Variants in RAB3C observed in about 807,000 individuals in gnomAD.
RAB3C encodes the protein RAB3C, member RAS oncogene family.
In RAB3C, 17 loss-of-function variants were observed where a neutral mutation model predicts 26.4. That is an observed-to-expected ratio of 0.64 (90% CI 0.44 to 0.97). The LOEUF is 0.97. Ranked by LOEUF, RAB3C falls within the 50% of genes least tolerant of loss-of-function variation. The pLI is 0.00. For synonymous variants in RAB3C, 91 were observed against 95.9 expected (o/e 0.95, Z 0.30); for missense variants, 242 against 281.9 (o/e 0.86, Z 1.01).
intron 3 of RAB3C, among the ~76,000 whole-genome samples, chr5:58,729,737 TTTTATA>T (rs1740967872): frequency 1.4e-5 from 2 of 146,176 alleles, no homozygotes; most frequent in South Asian, 2.1e-4. Context: ...AAATATTGTA[TTTTATA>T]TTTATATTTA....
At chr5:58,661,920 TA>T (rs1747913737) in intron 2 of RAB3C, among the ~76,000 whole-genome samples, 1 of 149,892 alleles carries the variant, frequency 6.7e-6, no homozygotes, top group Admixed American at 6.6e-5. Context: ...TAATCATTTT[TA>T]GTGTGAGCAG....
At chr5:58,649,552 C>A (rs562296914) in intron 2 of RAB3C, among the ~76,000 whole-genome samples, 1 of 152,088 alleles carries the variant, frequency 6.6e-6, no homozygotes, top group South Asian at 2.1e-4. Flanking sequence ...TTTCCCCTCC[C>A]AGGTCTCTTA....
intron 4 of RAB3C, among the ~76,000 whole-genome samples, chr5:58,849,896 C>G (rs1744078570): frequency 6.6e-6 from 1 of 152,118 alleles, no homozygotes; most frequent in Non-Finnish European, 1.5e-5. Flanking sequence ...GTTCTTTTTC[C>G]TTTGGCCCCA....
chr5:58,664,539 G>T (rs1034439215), intron 2 of RAB3C, among the ~76,000 whole-genome samples: 5 of 152,060 alleles, frequency 3.3e-5, no homozygotes, highest in African/African-American at 1.2e-4. Context: ...TGAGGGTGAT[G>T]GGAATGCTCT....
intron 2 of RAB3C, among the ~76,000 whole-genome samples, chr5:58,704,255 C>T (rs1465723940): frequency 6.6e-6 from 1 of 152,156 alleles, no homozygotes; most frequent in Non-Finnish European, 1.5e-5. Flanking sequence ...TGAAGAGAAA[C>T]ATTCCTGGCT....
At chr5:58,607,759 C>A (rs1746604665) in intron 1 of RAB3C, among the ~76,000 whole-genome samples, 1 of 152,142 alleles carries the variant, frequency 6.6e-6, no homozygotes, top group Non-Finnish European at 1.5e-5. Flanking sequence ...GGCCAATATT[C>A]AACATTCTTA....
intron 2 of RAB3C, among the ~76,000 whole-genome samples, chr5:58,685,831 C>T (rs1748433902): frequency 6.6e-6 from 1 of 152,022 alleles, no homozygotes; most frequent in African/African-American, 2.4e-5. Flanking sequence ...AAATAAAAAC[C>T]CAGGCACATG....
At chr5:58,803,984 TG>T (rs1742874690) in intron 3 of RAB3C, among the ~76,000 whole-genome samples, 1 of 151,122 alleles carries the variant, frequency 6.6e-6, no homozygotes, top group Non-Finnish European at 1.5e-5. Flanking sequence ...CACTTGAACC[TG>T]GGAGGCGGAG....
intron 2 of RAB3C, among the ~76,000 whole-genome samples, chr5:58,645,043 G>A (rs1178587015): frequency 6.6e-6 from 1 of 152,166 alleles, no homozygotes; most frequent in Non-Finnish European, 1.5e-5. Flanking sequence ...GCTATCATTT[G>A]GGAAACAGAA....
chr5:58,636,665 A>C (rs544456966), intron 2 of RAB3C, among the ~76,000 whole-genome samples: 2 of 152,350 alleles, frequency 1.3e-5, no homozygotes, highest in East Asian at 3.9e-4. Context: ...ACAAATAAAG[A>C]GGAACAAAAT....
chr5:58,841,049 T>G (rs1743864873), intron 4 of RAB3C, among the ~76,000 whole-genome samples: 2 of 152,200 alleles, frequency 1.3e-5, no homozygotes, highest in Non-Finnish European at 2.9e-5. Context: ...GCAAGGCTGT[T>G]TCTTAGGCAC....
intron 3 of RAB3C, among the ~76,000 whole-genome samples, chr5:58,789,768 C>A (rs953621): frequency 0.21 from 32,480 of 152,142 alleles, 3,729 homozygotes; most frequent in East Asian, 0.45. Flanking sequence ...AAACCATTTT[C>A]TTGGGAATAT....
At chr5:58,766,135 T>G (rs1158194717) in intron 3 of RAB3C, among the ~76,000 whole-genome samples, 1 of 151,426 alleles carries the variant, frequency 6.6e-6, no homozygotes, top group Non-Finnish European at 1.5e-5. Flanking sequence ...TTTTTTTTTT[T>G]GAGATGTAGT....
intron 3 of RAB3C, among the ~76,000 whole-genome samples, chr5:58,797,901 G>C (rs185666904): frequency 1.0e-3 from 153 of 152,234 alleles, no homozygotes; most frequent in African/African-American, 3.0e-3. Flanking sequence ...CTGGTGCACA[G>C]GATAAAATAA....
At chr5:58,789,659 A>G (rs1391764942) in intron 3 of RAB3C, among the ~76,000 whole-genome samples, 1 of 152,196 alleles carries the variant, frequency 6.6e-6, no homozygotes, top group Non-Finnish European at 1.5e-5. Context: ...TACCTGGGAA[A>G]GTTTATGTTC....
chr5:58,782,319 T>G (rs1420551451), intron 3 of RAB3C, among the ~76,000 whole-genome samples: 2 of 152,132 alleles, frequency 1.3e-5, no homozygotes, highest in African/African-American at 4.8e-5. Context: ...CATGGTATGA[T>G]GCCTTAAACT....
At chr5:58,770,218 A>C (rs1742004328) in intron 3 of RAB3C, among the ~76,000 whole-genome samples, 1 of 152,204 alleles carries the variant, frequency 6.6e-6, no homozygotes. Flanking sequence ...CTCTCCTGCT[A>C]ATGGGTTATC....
chr5:58,596,283 C>T (rs1043042653), intron 1 of RAB3C, among the ~76,000 whole-genome samples: 2 of 151,776 alleles, frequency 1.3e-5, no homozygotes, highest in African/African-American at 4.8e-5. Flanking sequence ...TGAGGTTTTT[C>T]AGCAGGCTTA....
chr5:58,768,210 G>A (rs574322590), intron 3 of RAB3C, among the ~76,000 whole-genome samples: 2 of 152,050 alleles, frequency 1.3e-5, no homozygotes, highest in African/African-American at 4.8e-5. Context: ...GAATGGGCAG[G>A]GAGCATCCTC....
Sources: allele counts gnomAD v4.1 joint callset (sites outside exome capture counted in the v4.1 genomes callset), GRCh38; gene constraint gnomAD v4.1.1; transcripts MANE v1.5; gene names NCBI Gene and HGNC (gene_info 2026-07-23, HGNC 2026-07-21).